TBC1D1: variants seen among roughly 807,000 people sequenced by gnomAD.
TBC1D1 encodes the protein TBC1 (tre-2/USP6, BUB2, cdc16) domain family, member 1.
Under a neutral mutation model 125.6 loss-of-function variants are expected in TBC1D1, and 89 were observed. The ratio of observed to expected loss-of-function variants is 0.71; its 90% CI spans 0.60 to 0.85. The LOEUF (loss-of-function observed/expected upper bound fraction) is 0.85. TBC1D1 is among the 40% of genes least tolerant of loss of function. TBC1D1 has a pLI of 0.00. For synonymous variants in TBC1D1, 565 were observed against 564.1 expected (o/e 1.00, Z -0.02); for missense variants, 1,377 against 1,469.2 (o/e 0.94, Z 1.03).
chr4:38,131,227 C>T (rs756045957), intron 18 of TBC1D1, among the ~76,000 whole-genome samples: 1 of 152,036 alleles, frequency 6.6e-6, no homozygotes, highest in Admixed American at 6.5e-5. Flanking sequence ...AACATCAATC[C>T]GTAGGAAAAG....
chr4:38,072,895 G>T (rs111962046), intron 12 of TBC1D1, among the ~76,000 whole-genome samples: 1 of 151,998 alleles, frequency 6.6e-6, no homozygotes, highest in Non-Finnish European at 1.5e-5. Context: ...GGTTTATTTC[G>T]CTTAGCATAA....
intron 12 of TBC1D1, among the ~76,000 whole-genome samples, chr4:38,057,158 C>G (rs897609120): frequency 6.6e-6 from 1 of 152,154 alleles, no homozygotes; most frequent in African/African-American, 2.4e-5. Flanking sequence ...CCCCTGTCAG[C>G]GCTAGGCAGA....
chr4:37,951,203 G>A (rs16994090), intron 2 of TBC1D1, among the ~76,000 whole-genome samples: 11,449 of 152,050 alleles, frequency 0.075, 469 homozygotes, highest in South Asian at 0.11. Context: ...CCTGTCTTTG[G>A]GCGCTATTTA....
chr4:37,982,721 A>G (rs543521247), intron 2 of TBC1D1, among the ~76,000 whole-genome samples: 1 of 152,348 alleles, frequency 6.6e-6, no homozygotes, highest in African/African-American at 2.4e-5. Context: ...AGAAAAAAAG[A>G]TAAAGTATAA....
intron 6 of TBC1D1, among the ~76,000 whole-genome samples, chr4:38,023,485 A>G (rs1190974474): frequency 1.3e-5 from 2 of 152,246 alleles, no homozygotes; most frequent in Non-Finnish European, 2.9e-5. Context: ...AGCTCATTAA[A>G]TGCCAACTCC....
chr4:38,005,942 G>T (rs749797049), intron 2 of TBC1D1, among the ~76,000 whole-genome samples: 2 of 152,214 alleles, frequency 1.3e-5, no homozygotes, highest in Non-Finnish European at 2.9e-5. Context: ...AGACCCATGT[G>T]TGAGGCGTTG....
At chr4:38,117,263 G>A (rs561694831) in intron 16 of TBC1D1, among the ~76,000 whole-genome samples, 4 of 152,144 alleles carry the variant, frequency 2.6e-5, no homozygotes, top group East Asian at 3.9e-4. Context: ...GGATCTTAGC[G>A]GATTCTGACC....
intron 12 of TBC1D1, among the ~76,000 whole-genome samples, chr4:38,056,227 C>A (rs1275180509): frequency 6.6e-6 from 1 of 152,160 alleles, no homozygotes; most frequent in Non-Finnish European, 1.5e-5. Flanking sequence ...GAAGCTGCTG[C>A]CTCCTTTAGC....
chr4:38,077,404 C>T (rs1279468958), intron 12 of TBC1D1, among the ~76,000 whole-genome samples: 1 of 152,142 alleles, frequency 6.6e-6, no homozygotes, highest in African/African-American at 2.4e-5. Flanking sequence ...TTTAAAATTC[C>T]TAAAGGGTTT....
At chr4:38,110,918 G>A (rs1560811717) in intron 15 of TBC1D1, among the ~76,000 whole-genome samples, 1 of 152,196 alleles carries the variant, frequency 6.6e-6, no homozygotes. Context: ...GTCTTCTTGA[G>A]GCAGAGCTTC....
At position 38,021,653 on chromosome 4, in the gene TBC1D1, C is replaced by T. The variant is rs369942681; in HGVS notation, c.1145C>T (p.Ala382Val). 5.8e-5 allele frequency: 92 copies of T among 1,596,518 alleles called. No individual in the cohort carries two copies. The highest frequency in any genetic ancestry group is 6.8e-5 in the Non-Finnish European group (80 of 1,172,034). ...GCCGCAGTGCAGCAGACAGCTAAGG[C>T]GCCAGCCCAGCTGTGTGAGGGCTGC... The change falls in exon 6 of 20, where the codon GCG becomes GTG. Residue 382 changes from alanine (A) to valine (V), a missense_variant. Ala to Val is a moderately conservative substitution (Grantham distance 64). This residue lies in a region of TBC1D1 where 822 missense variants were observed against 824.6 expected (regional missense o/e 1.00). Transcript: ENST00000261439.
intron 13 of TBC1D1, among the ~76,000 whole-genome samples, chr4:38,091,160 T>A (rs1341866098): frequency 6.6e-6 from 1 of 152,230 alleles, no homozygotes; most frequent in African/African-American, 2.4e-5. Context: ...ATTCATAGAA[T>A]GTAAAGAGAT....
chr4:38,075,666 G>A (rs575537021), intron 12 of TBC1D1, among the ~76,000 whole-genome samples: 4 of 152,320 alleles, frequency 2.6e-5, no homozygotes, highest in Non-Finnish European at 4.4e-5. Flanking sequence ...TAAGCATTGT[G>A]TAATGGGATG....
chr4:38,080,510 C>T (rs1380773887), intron 12 of TBC1D1, among the ~76,000 whole-genome samples: 1 of 152,230 alleles, frequency 6.6e-6, no homozygotes, highest in African/African-American at 2.4e-5. Context: ...CTCCCTGTCC[C>T]TTCGCTGGGC....
intron 2 of TBC1D1, among the ~76,000 whole-genome samples, chr4:37,967,980 T>C (rs1389522711): frequency 6.6e-6 from 1 of 152,246 alleles, no homozygotes; most frequent in Non-Finnish European, 1.5e-5. Flanking sequence ...TTAAACTTTA[T>C]AGACTGAGCT....
At chr4:37,985,820 A>C (rs961037461) in intron 2 of TBC1D1, among the ~76,000 whole-genome samples, 24 of 152,176 alleles carry the variant, frequency 1.6e-4, no homozygotes, top group African/African-American at 5.8e-4. Flanking sequence ...ATTTAATTTT[A>C]ATGTGATATA....
chr4:38,062,628 G>A (rs1290094924), intron 12 of TBC1D1, among the ~76,000 whole-genome samples: 2 of 105,054 alleles, frequency 1.9e-5, no homozygotes, highest in African/African-American at 3.7e-5. Context: ...CCCACCCTGC[G>A]CCGCCCCCAC....
At chr4:38,112,440 G>A (rs1297937941) in intron 15 of TBC1D1, among the ~76,000 whole-genome samples, 2 of 152,194 alleles carry the variant, frequency 1.3e-5, no homozygotes, top group Non-Finnish European at 2.9e-5. Context: ...TTTTTATAAT[G>A]TGTGTGGTCT....
chr4:38,048,703 C>T (rs1032624156), intron 10 of TBC1D1, among the ~76,000 whole-genome samples: 1 of 151,972 alleles, frequency 6.6e-6, no homozygotes, highest in African/African-American at 2.4e-5. Flanking sequence ...CCAACAATTT[C>T]AATAGGAGCA....
Sources: allele counts gnomAD v4.1 joint callset (sites outside exome capture counted in the v4.1 genomes callset), GRCh38; gene constraint gnomAD v4.1.1; regional missense constraint gnomAD v4.1.1; transcripts MANE v1.5; gene names NCBI Gene and HGNC (gene_info 2026-07-23, HGNC 2026-07-21).